The following ME3 variants were observed in gnomAD, a reference collection of about 807,000 sequenced individuals.
ME3 encodes malic enzyme 3.
In ME3, 48 loss-of-function variants were observed where a neutral mutation model predicts 68.9. That is an observed-to-expected ratio of 0.70 (90% confidence interval 0.55 to 0.89). ME3 has a LOEUF of 0.89. Ranked by LOEUF, ME3 falls within the 40% of genes least tolerant of loss-of-function variation. The pLI is 0.00. For synonymous variants in ME3, 320 were observed against 318.8 expected (o/e 1.00, Z -0.04); for missense variants, 675 against 797.4 (o/e 0.85, Z 1.85).
chr11:86,530,678 C>A lies in ME3; in HGVS notation c.468-21811G>T, dbSNP rs554736479. On this transcript the variant is annotated intron_variant, in intron 4 of 14. Transcript: ENST00000543262. ...ATAGACCAATGGAACAGAACAGAGCCCTCAGAAATAATGCTGCTTATCTAC... is the reference window on the plus strand; with the variant it reads ...ATAGACCAATGGAACAGAACAGAGCACTCAGAAATAATGCTGCTTATCTAC... Among the ~76,000 whole-genome samples, 10 of 152,166 alleles carry A rather than the reference C, an allele frequency of 6.6e-5. No individual in the cohort carries two copies. The South Asian group carries it at 1.7e-3, about 25-fold the overall frequency.
chr11:86,488,053 G>A (rs373667222), intron 6 of ME3, among the ~76,000 whole-genome samples: 1 of 152,156 alleles, frequency 6.6e-6, no homozygotes, highest in East Asian at 1.9e-4. Context: ...GGTGGTGTAT[G>A]TCTTTGGTCC....
chr11:86,603,747 A>G (rs1441641427), intron 2 of ME3, among the ~76,000 whole-genome samples: 1 of 152,040 alleles, frequency 6.6e-6, no homozygotes, highest in Non-Finnish European at 1.5e-5. Context: ...CATATACACC[A>G]TGGAATACTA....
At chr11:86,523,871 G>C (rs1185442054) in intron 4 of ME3, among the ~76,000 whole-genome samples, 1 of 152,020 alleles carries the variant, frequency 6.6e-6, no homozygotes, top group Non-Finnish European at 1.5e-5. Flanking sequence ...TATCACTTCA[G>C]AATCTAAAAA....
intron 1 of ME3, 179 bp downstream of exon 1, chr11:86,672,145 G>T: frequency 2.0e-6 from 1 of 508,658 alleles, no homozygotes; most frequent in Non-Finnish European, 3.2e-6. Context: ...CGGGGCGCCA[G>T]GCCTAGCCAA....
intron 2 of ME3, among the ~76,000 whole-genome samples, chr11:86,663,916 A>G (rs903112364): frequency 4.6e-5 from 7 of 152,258 alleles, no homozygotes; most frequent in Non-Finnish European, 1.0e-4. Context: ...ATATTTCTGT[A>G]TGGGATTTAC....
intron 8 of ME3, among the ~76,000 whole-genome samples, chr11:86,461,708 G>T (rs1313203503): frequency 6.6e-6 from 1 of 152,178 alleles, no homozygotes; most frequent in Admixed American, 6.5e-5. Flanking sequence ...CAGCCTTGCT[G>T]TCAGCTGGGC....
At chr11:86,547,603 A>G (rs1291834916) in intron 4 of ME3, among the ~76,000 whole-genome samples, 2 of 152,174 alleles carry the variant, frequency 1.3e-5, no homozygotes, top group Admixed American at 6.5e-5. Flanking sequence ...CACGTTCTGC[A>G]CATGTATCCC....
chr11:86,546,194 C>T (rs1432731055), intron 4 of ME3, among the ~76,000 whole-genome samples: 4 of 152,156 alleles, frequency 2.6e-5, no homozygotes, highest in Non-Finnish European at 4.4e-5. Context: ...AAACGTAAGA[C>T]CTAAAACCAT....
At chr11:86,612,868 A>G (rs1223943220) in intron 2 of ME3, among the ~76,000 whole-genome samples, 1 of 151,810 alleles carries the variant, frequency 6.6e-6, no homozygotes, top group East Asian at 1.9e-4. Context: ...TTGCCTGTTC[A>G]CTCTGATGCT....
intron 4 of ME3, among the ~76,000 whole-genome samples, chr11:86,531,942 A>G (rs1475191832): frequency 5.9e-5 from 9 of 151,832 alleles, no homozygotes; most frequent in African/African-American, 1.9e-4. Context: ...AAACCTGCAC[A>G]TTGTGCACAT....
chr11:86,511,709 G>T (rs1326407976), intron 4 of ME3, among the ~76,000 whole-genome samples: 1 of 152,184 alleles, frequency 6.6e-6, no homozygotes, highest in Non-Finnish European at 1.5e-5. Flanking sequence ...CTGCTGAAAT[G>T]TAGGCATAGT....
Position 86,450,013 on chromosome 11 carries a change from C to T in ME3, c.1018-11G>A, listed in dbSNP as rs775581317. On this transcript the variant is annotated splice_polypyrimidine_tract_variant and intron_variant, in intron 9 of 14. Transcript: ENST00000543262. ...AATGCCCATAGCTGCCTGGAAGGTA[C>T]CATAGGGTAGATGTTCAGACACAGG... 36 of 1,586,720 alleles carry T rather than the reference C, an allele frequency of 2.3e-5. No homozygotes were observed. In the South Asian group the frequency reaches 3.9e-4, roughly 17 times the overall value.
chr11:86,593,360 G>A (rs12281596), intron 2 of ME3, among the ~76,000 whole-genome samples: 13,468 of 146,372 alleles, frequency 0.092, 2,042 homozygotes, highest in African/African-American at 0.18. Context: ...ATACTTTCTC[G>A]AAAGGTGTCA....
intron 5 of ME3, among the ~76,000 whole-genome samples, chr11:86,505,831 G>T (rs1452412165): frequency 6.6e-6 from 1 of 152,186 alleles, no homozygotes; most frequent in East Asian, 1.9e-4. Flanking sequence ...CTGATCTCCA[G>T]GTTTCTTCAA....
chr11:86,560,746 G>GTATATATATATATATATATATATATATA (rs1456434091), intron 2 of ME3, among the ~76,000 whole-genome samples: 2 of 90,258 alleles, frequency 2.2e-5, no homozygotes, highest in African/African-American at 9.7e-5. Flanking sequence ...GTGTGTGTGT[G>GTATATATATATATATATATATATATATA]TGTATATATA....
intron 8 of ME3, among the ~76,000 whole-genome samples, chr11:86,463,564 G>A (rs1390455042): frequency 2.0e-5 from 3 of 152,248 alleles, no homozygotes; most frequent in African/African-American, 7.2e-5. Context: ...GAGACAGAAT[G>A]GAGAAAGGCT....
intron 2 of ME3, among the ~76,000 whole-genome samples, chr11:86,561,785 C>T (rs1957249267): frequency 6.6e-6 from 1 of 152,162 alleles, no homozygotes; most frequent in Non-Finnish European, 1.5e-5. Context: ...TAATAAACTC[C>T]ACTCATTTCC....
At chr11:86,450,950 A>G (rs955563194) in intron 8 of ME3, among the ~76,000 whole-genome samples, 1 of 152,226 alleles carries the variant, frequency 6.6e-6, no homozygotes, top group Non-Finnish European at 1.5e-5. Flanking sequence ...AGCCACTGCT[A>G]CATGACTTCT....
At chr11:86,446,574 C>G (rs1949311609) in intron 12 of ME3, 87 bp from the exon 13 acceptor site, 1 of 1,325,192 alleles carries the variant, frequency 7.5e-7, no homozygotes, top group Non-Finnish European at 1.1e-6. Flanking sequence ...AAATGTTGGA[C>G]CCTTCTTCAT....
Sources: gnomAD v4.1 joint callset for allele counts (sites outside exome capture counted in the v4.1 genomes callset) on GRCh38, gnomAD v4.1.1 for gene constraint, MANE v1.5 for transcripts, NCBI Gene and HGNC (gene_info 2026-07-23, HGNC 2026-07-21) for gene names.